Variants in FBLN5 observed in about 807,000 individuals in gnomAD.
The protein encoded by FBLN5 is fibulin 5, also known as fibulin-5.
FBLN5 carries 24 observed loss-of-function variants against 61.6 expected under a neutral mutation model. The ratio of observed to expected loss-of-function variants is 0.39; its 90% CI spans 0.28 to 0.55. The LOEUF (loss-of-function observed/expected upper bound fraction) is 0.55, where lower values mean the gene tolerates loss of function less well. Among genes scored for constraint, FBLN5 ranks in the 20% least tolerant of loss-of-function variants. The pLI is 0.65. For missense variants in FBLN5, 470 were observed against 594.1 expected (o/e 0.79, Z 2.17); for synonymous variants, 213 against 219.8 (o/e 0.97, Z 0.27).
At chr14:91,887,436 C>A in intron 6 of FBLN5, 124 bp from the exon 7 acceptor site, 2 of 995,194 alleles carry the variant, frequency 2.0e-6, no homozygotes, top group East Asian at 2.4e-5. Flanking sequence ...GGTACCAAGG[C>A]TCTCCACCCA....
At chr14:91,922,972 A>G (rs2055766265) in intron 4 of FBLN5, among the ~76,000 whole-genome samples, 1 of 152,164 alleles carries the variant, frequency 6.6e-6, no homozygotes, top group South Asian at 2.1e-4. Flanking sequence ...TTATGAGGTG[A>G]CCCAGTAATT....
At chr14:91,879,798 G>A (rs1373675823) in intron 9 of FBLN5, among the ~76,000 whole-genome samples, 1 of 152,246 alleles carries the variant, frequency 6.6e-6, no homozygotes, top group African/African-American at 2.4e-5. Flanking sequence ...GGGTACCACT[G>A]GTAAGCCATG....
At chr14:91,871,133 T>G (rs1257853371) in intron 10 of FBLN5, among the ~76,000 whole-genome samples, 2 of 149,252 alleles carry the variant, frequency 1.3e-5, no homozygotes, top group African/African-American at 2.5e-5. Context: ...ACAACCAACA[T>G]GCACATGTAC....
At chr14:91,937,254 CG>C in intron 3 of FBLN5, 53 bp from the exon 4 acceptor site, 1 of 1,610,898 alleles carries the variant, frequency 6.2e-7, no homozygotes, top group Non-Finnish European at 8.5e-7. Context: ...GCCTTGTGTC[CG>C]GTGCATATTT....
chr14:91,926,996 C>T (rs2055840865), intron 4 of FBLN5, among the ~76,000 whole-genome samples: 1 of 152,082 alleles, frequency 6.6e-6, no homozygotes, highest in Non-Finnish European at 1.5e-5. Flanking sequence ...GAATCTAAGC[C>T]CATGCTCGTT....
At chr14:91,914,185 A>G (rs573259957) in intron 4 of FBLN5, among the ~76,000 whole-genome samples, 8 of 152,266 alleles carry the variant, frequency 5.3e-5, no homozygotes, top group Non-Finnish European at 1.0e-4. Context: ...TCTACATAAA[A>G]TACAAATATT....
chr14:91,923,364 G>C (rs778962255), intron 4 of FBLN5, among the ~76,000 whole-genome samples: 5 of 152,234 alleles, frequency 3.3e-5, no homozygotes, highest in Non-Finnish European at 7.3e-5. Context: ...GGAATCTTGA[G>C]TGCCAACCTT....
At chr14:91,879,452 C>A (rs138827374) in intron 9 of FBLN5, among the ~76,000 whole-genome samples, 4 of 152,320 alleles carry the variant, frequency 2.6e-5, no homozygotes, top group African/African-American at 4.8e-5. Context: ...CGGAGTCTGA[C>A]TGGACTGGAG....
intron 4 of FBLN5, among the ~76,000 whole-genome samples, chr14:91,919,079 C>G (rs2055679596): frequency 6.6e-6 from 1 of 151,906 alleles, no homozygotes; most frequent in South Asian, 2.1e-4. Context: ...GCGTGTAATC[C>G]CAGCACTTTG....
At chr14:91,894,564 A>C (rs1595308064) in intron 5 of FBLN5, among the ~76,000 whole-genome samples, 2 of 152,130 alleles carry the variant, frequency 1.3e-5, no homozygotes, top group East Asian at 3.9e-4. Flanking sequence ...TGTACAAAAA[A>C]TACAAAAATT....
At chr14:91,946,282 TAAAA>T (rs11365622) in intron 1 of FBLN5, among the ~76,000 whole-genome samples, 1 of 148,518 alleles carries the variant, frequency 6.7e-6, no homozygotes, top group Non-Finnish European at 1.5e-5. Context: ...ACCTTGTGAT[TAAAA>T]AAAAAAAACC....
At chr14:91,926,363 A>G (rs2055828692) in intron 4 of FBLN5, among the ~76,000 whole-genome samples, 1 of 152,012 alleles carries the variant, frequency 6.6e-6, no homozygotes, top group Non-Finnish European at 1.5e-5. Context: ...TACCACCAGC[A>G]CTTCCCCAGT....
intron 4 of FBLN5, among the ~76,000 whole-genome samples, chr14:91,896,743 G>A (rs971181967): frequency 6.6e-6 from 1 of 152,144 alleles, no homozygotes; most frequent in Non-Finnish European, 1.5e-5. Flanking sequence ...AGACTGGGCT[G>A]AGGGAGGGCT....
intron 4 of FBLN5, among the ~76,000 whole-genome samples, chr14:91,902,086 A>G (rs909235025): frequency 2.6e-5 from 4 of 152,216 alleles, no homozygotes; most frequent in Admixed American, 1.3e-4. Flanking sequence ...GGTAAACATC[A>G]GCTGACTTTA....
intron 4 of FBLN5, among the ~76,000 whole-genome samples, chr14:91,899,947 T>C (rs570746143): frequency 4.6e-5 from 7 of 152,308 alleles, no homozygotes; most frequent in Non-Finnish European, 1.0e-4. Flanking sequence ...GAACCTTCCA[T>C]TGTGACTCAC....
chr14:91,887,066 G>C (rs1451216827), intron 7 of FBLN5, 127 bp downstream of exon 7: 2 of 1,025,560 alleles, frequency 2.0e-6, no homozygotes, highest in East Asian at 4.8e-5. Context: ...CACTGCCCTG[G>C]AGGATGTCCC....
intron 5 of FBLN5, among the ~76,000 whole-genome samples, chr14:91,891,760 C>T (rs1167297947): frequency 6.6e-6 from 1 of 152,164 alleles, no homozygotes; most frequent in Admixed American, 6.5e-5. Context: ...TAAGATTCAA[C>T]TCAAAGATTC....
At chr14:91,945,958 C>T (rs1016629878) in intron 1 of FBLN5, among the ~76,000 whole-genome samples, 9 of 152,208 alleles carry the variant, frequency 5.9e-5, no homozygotes, top group South Asian at 2.1e-4. Context: ...TTTCCTGTTT[C>T]TTCACATGAA....
chr14:91,911,597 C>G (rs572702927), intron 4 of FBLN5, among the ~76,000 whole-genome samples: 1 of 152,348 alleles, frequency 6.6e-6, no homozygotes, highest in African/African-American at 2.4e-5. Context: ...CCGGAACCTT[C>G]CACTAGCTCC....
Sources: gnomAD v4.1 joint callset for allele counts (sites outside exome capture counted in the v4.1 genomes callset) on GRCh38, gnomAD v4.1.1 for gene constraint, MANE v1.5 for transcripts, NCBI Gene and HGNC (gene_info 2026-07-23, HGNC 2026-07-21) for gene names.